The following DLEU7 variants were observed in gnomAD, a reference collection of about 807,000 sequenced individuals.
The protein encoded by DLEU7 is deleted in lymphocytic leukemia 7, also known as leukemia-associated protein 7.
In DLEU7, 17 loss-of-function variants were observed where a neutral mutation model predicts 16.0. The observed-to-expected ratio is 1.06, with a 90% CI of 0.73 to 1.59. DLEU7 has a LOEUF of 1.59. DLEU7 is among the 40% of genes most tolerant of loss of function. The pLI, the probability that DLEU7 is intolerant of heterozygous loss-of-function variation, is 0.00. For missense variants in DLEU7, 308 were observed against 314.9 expected (o/e 0.98, Z 0.17); for synonymous variants, 113 against 139.8 (o/e 0.81, Z 1.35).
downstream of DLEU7, among the ~76,000 whole-genome samples, chr13:50,819,288 T>C (rs554358725): frequency 6.6e-6 from 1 of 152,216 alleles, no homozygotes; most frequent in Admixed American, 6.5e-5. Context: ...GGATTAATCG[T>C]TGTCATATTT....
intron 1 of DLEU7, among the ~76,000 whole-genome samples, chr13:50,746,786 GACAGA>G (rs1174588347): frequency 6.6e-6 from 1 of 152,100 alleles, no homozygotes; most frequent in East Asian, 1.9e-4. Context: ...TAGTAGATAG[GACAGA>G]AATGAATTTT....
At chr13:50,744,250 T>G (rs1874328465) in intron 1 of DLEU7, among the ~76,000 whole-genome samples, 1 of 152,196 alleles carries the variant, frequency 6.6e-6, no homozygotes, top group African/African-American at 2.4e-5. Flanking sequence ...TTCTAAATTT[T>G]ATAAATCCCA....
intron 1 of DLEU7, among the ~76,000 whole-genome samples, chr13:50,808,861 C>T (rs1381292473): frequency 6.8e-6 from 1 of 147,164 alleles, no homozygotes; most frequent in Non-Finnish European, 1.5e-5. Context: ...GTTTAGAATT[C>T]TTTATTTCAG....
intron 1 of DLEU7, among the ~76,000 whole-genome samples, chr13:50,756,070 T>C (rs1874749370): frequency 6.6e-6 from 1 of 152,198 alleles, no homozygotes; most frequent in African/African-American, 2.4e-5. Context: ...GTGAACTGTC[T>C]ATGGGTCTCT....
chr13:50,811,826 C>T (rs770200457), intron 1 of DLEU7, among the ~76,000 whole-genome samples: 12 of 152,130 alleles, frequency 7.9e-5, no homozygotes, highest in Non-Finnish European at 1.5e-4. Flanking sequence ...CACATCACTT[C>T]GGGAGGCCAA....
At chr13:50,825,704 T>C (rs183103642) in intron 1 of DLEU7, among the ~76,000 whole-genome samples, 7 of 152,350 alleles carry the variant, frequency 4.6e-5, no homozygotes, top group African/African-American at 1.7e-4. Flanking sequence ...TTACTTGTTG[T>C]ATTAGCCACC....
At chr13:50,785,437 A>G (rs17074927) in intron 1 of DLEU7, among the ~76,000 whole-genome samples, 2,754 of 152,298 alleles carry the variant, frequency 0.018, 82 homozygotes, top group African/African-American at 0.058. Flanking sequence ...TTAGAAGCCA[A>G]ATATGGTAGT....
intron 1 of DLEU7, among the ~76,000 whole-genome samples, chr13:50,842,798 G>T (rs535464843): frequency 6.6e-6 from 1 of 152,320 alleles, no homozygotes; most frequent in East Asian, 1.9e-4. Context: ...GTGTATTTAA[G>T]GCTCTGGAGG....
At chr13:50,768,590 C>T (rs150746758) in intron 1 of DLEU7, among the ~76,000 whole-genome samples, 157 of 152,226 alleles carry the variant, frequency 1.0e-3, no homozygotes, top group African/African-American at 3.4e-3. Context: ...CAGCTTCAGC[C>T]ATGTCCTTAC....
At chr13:50,781,334 G>A (rs1240820402) in intron 1 of DLEU7, among the ~76,000 whole-genome samples, 1 of 152,240 alleles carries the variant, frequency 6.6e-6, no homozygotes, top group Non-Finnish European at 1.5e-5. Context: ...CCAGCCATCA[G>A]AGAAATGCTG....
chr13:50,733,276 C>T (rs1566232611), intron 1 of DLEU7, among the ~76,000 whole-genome samples: 1 of 152,310 alleles, frequency 6.6e-6, no homozygotes, highest in East Asian at 1.9e-4. Flanking sequence ...AGGTGATTCT[C>T]ATTTTTAACC....
intron 1 of DLEU7, among the ~76,000 whole-genome samples, chr13:50,810,407 AAT>A (rs1876530996): frequency 6.6e-6 from 1 of 152,132 alleles, no homozygotes; most frequent in Non-Finnish European, 1.5e-5. Context: ...TAAACAAAAC[AAT>A]ATGTTTCTAC....
chr13:50,768,311 G>A (rs1166655942), intron 1 of DLEU7, among the ~76,000 whole-genome samples: 1 of 151,080 alleles, frequency 6.6e-6, no homozygotes. Flanking sequence ...TATACTTTAA[G>A]TTCTAGGGTA....
At chr13:50,827,911 C>A (rs949041923) in intron 1 of DLEU7, among the ~76,000 whole-genome samples, 6 of 151,956 alleles carry the variant, frequency 3.9e-5, no homozygotes, top group Non-Finnish European at 8.8e-5. Flanking sequence ...ACATTTAAAT[C>A]TAAAACCACA....
At chr13:50,799,087 CT>C (rs1195287971) in intron 1 of DLEU7, among the ~76,000 whole-genome samples, 2 of 152,314 alleles carry the variant, frequency 1.3e-5, no homozygotes, top group East Asian at 3.9e-4. Flanking sequence ...CTATTCTCTG[CT>C]TTTGATTAAT....
At chr13:50,824,902 G>A (rs1877032809) in intron 1 of DLEU7, among the ~76,000 whole-genome samples, 1 of 152,190 alleles carries the variant, frequency 6.6e-6, no homozygotes, top group Non-Finnish European at 1.5e-5. Context: ...CAGATGCAAT[G>A]TGGGACAAGA....
At chr13:50,720,294 A>G (rs576720574) in intron 1 of DLEU7, among the ~76,000 whole-genome samples, 17 of 152,282 alleles carry the variant, frequency 1.1e-4, no homozygotes, top group African/African-American at 3.6e-4. Flanking sequence ...GTGTGTTTTC[A>G]TTTTTCCTTT....
intron 1 of DLEU7, among the ~76,000 whole-genome samples, chr13:50,840,562 T>C (rs1236652918): frequency 6.6e-6 from 1 of 152,188 alleles, no homozygotes; most frequent in Non-Finnish European, 1.5e-5. Context: ...AGTTGTATAC[T>C]TCTAGAAAGT....
chr13:50,785,604 T>C lies in DLEU7; in HGVS notation c.459+57584A>G, dbSNP rs532630904. On this transcript the variant is annotated intron_variant, in intron 1 of 1. Coordinates refer to the DLEU7 transcript ENST00000400393. The stretch of plus-strand genomic sequence containing the variant: ...GTGATTAAGAGGCTGCAAAGCTAAA[T>C]GGTAAATTAAGCTTTGTCTTCCTCA... 3.3e-5 allele frequency among the ~76,000 whole-genome samples: 5 copies of C among 152,312 alleles called. No individual in the cohort carries two copies. The South Asian group carries it at 8.3e-4, about 25-fold the overall frequency.
Sources: allele counts gnomAD v4.1 joint callset (sites outside exome capture counted in the v4.1 genomes callset), GRCh38; gene constraint gnomAD v4.1.1; transcripts MANE v1.5; gene names NCBI Gene and HGNC (gene_info 2026-07-23, HGNC 2026-07-21).